The following ARPP21 variants were observed in gnomAD, a reference collection of about 807,000 sequenced individuals.
The protein encoded by ARPP21 is cAMP regulated phosphoprotein 21.
In ARPP21, 69 loss-of-function variants were observed where a neutral mutation model predicts 113.2. The ratio of observed to expected loss-of-function variants is 0.61; its 90% CI spans 0.50 to 0.74. The LOEUF is 0.74. Among genes scored for constraint, ARPP21 ranks in the 30% least tolerant of loss-of-function variants. The probability of loss-of-function intolerance (pLI) is 0.00; values close to 1 mark genes in which losing one functional copy is unlikely to be tolerated. For missense variants in ARPP21, 1,070 were observed against 1,037.4 expected (o/e 1.03, Z -0.43); for synonymous variants, 368 against 375.5 (o/e 0.98, Z 0.23).
chr3:35,777,126 T>C (rs1477089178), intron 19 of ARPP21, among the ~76,000 whole-genome samples: 1 of 152,192 alleles, frequency 6.6e-6, no homozygotes, highest in Admixed American at 6.5e-5. Flanking sequence ...AGTGTGTGTG[T>C]GCCTTTGTTT....
intron 1 of ARPP21, among the ~76,000 whole-genome samples, chr3:35,667,280 A>G (rs1575586935): frequency 2.0e-5 from 3 of 152,334 alleles, no homozygotes; most frequent in African/African-American, 7.2e-5. Context: ...AAACTGTATC[A>G]TAGCAAAACT....
intron 14 of ARPP21, among the ~76,000 whole-genome samples, chr3:35,722,303 T>C (rs2093155938): frequency 6.6e-6 from 1 of 152,198 alleles, no homozygotes; most frequent in Non-Finnish European, 1.5e-5. Context: ...ATAATTATAA[T>C]ATTAATAGCT....
At chr3:35,691,081 T>C in intron 9 of ARPP21, 76 bp downstream of exon 9, 1 of 1,469,400 alleles carries the variant, frequency 6.8e-7, no homozygotes, top group Non-Finnish European at 9.2e-7. Flanking sequence ...CAGTATAAAA[T>C]TCACAGTACA....
intron 13 of ARPP21, among the ~76,000 whole-genome samples, chr3:35,719,088 T>A (rs1178082622): frequency 6.6e-6 from 1 of 152,136 alleles, no homozygotes; most frequent in African/African-American, 2.4e-5. Flanking sequence ...TCTTCCTGGA[T>A]TCCAGTAGGG....
chr3:35,743,776 A>G, intron 18 of ARPP21, 63 bp from the exon 19 acceptor site: 1 of 1,554,788 alleles, frequency 6.4e-7, no homozygotes, highest in Non-Finnish European at 8.9e-7. Context: ...AGCATATTTT[A>G]AGTTTAAAAA....
intron 1 of ARPP21, among the ~76,000 whole-genome samples, chr3:35,655,327 G>A (rs562429868): frequency 6.4e-4 from 97 of 151,646 alleles, no homozygotes; most frequent in African/African-American, 1.7e-3. Context: ...TGACTGATGG[G>A]GTGCTCCAGG....
In ARPP21 at chr3:35,707,602, T is replaced by C. The variant is rs2089644557; in HGVS notation, c.795+520T>C. On this transcript the variant is annotated intron_variant, in intron 10 of 20. Coordinates refer to ENST00000684406, the MANE Select transcript of ARPP21 (RefSeq NM_001385562.1). Reference sequence around the variant, plus strand: ...AAGTCTTCAGAGAAAAGAATTGAGTTCATGTTTTAGTCTTTTATCCCCTCT... The same window carrying C: ...AAGTCTTCAGAGAAAAGAATTGAGTCCATGTTTTAGTCTTTTATCCCCTCT... 9 of 452,170 alleles carry C rather than the reference T, an allele frequency of 2.0e-5. No individual in the cohort carries two copies. The Admixed American group carries it at 2.1e-4, about 11-fold the overall frequency. The allele number at this position is 452,170 out of a possible 1,614,324, so 28.0% of individuals were successfully genotyped here. A position where few individuals can be genotyped will look rare whatever the true frequency, so the allele number is the denominator to read the frequency against.
chr3:35,658,598 T>C (rs1706131690), intron 1 of ARPP21, among the ~76,000 whole-genome samples: 1 of 152,140 alleles, frequency 6.6e-6, no homozygotes, highest in South Asian at 2.1e-4. Context: ...GCCAAGGTTT[T>C]TCTCCTGATG....
chr3:35,657,917 A>G (rs979778314), intron 1 of ARPP21, among the ~76,000 whole-genome samples: 2 of 152,122 alleles, frequency 1.3e-5, no homozygotes, highest in Admixed American at 6.6e-5. Context: ...AGGGGCTTCT[A>G]TAGTTAATTT....
In ARPP21 at chr3:35,664,479, A is replaced by G. The variant is rs998256778; in HGVS notation, c.-212-15308A>G. The stretch of plus-strand genomic sequence containing the variant: ...CGATCCCTAGACTCTGGTAACTGCT[A>G]TTCTATCATTTCTGATACCCTGCAA... On this transcript the variant is annotated intron_variant, in intron 1 of 20. Transcript: ENST00000684406. Among the ~76,000 whole-genome samples, 5 of 152,092 alleles carry G rather than the reference A, an allele frequency of 3.3e-5. No individual in the cohort carries two copies. In the East Asian group the frequency reaches 5.8e-4, roughly 18 times the overall value.
intron 19 of ARPP21, among the ~76,000 whole-genome samples, chr3:35,771,755 G>A (rs1481580015): frequency 2.6e-5 from 4 of 152,132 alleles, no homozygotes; most frequent in Non-Finnish European, 4.4e-5. Context: ...TGAACAGTGA[G>A]ACAAAGATAA....
chr3:35,755,271 C>T (rs905252058), intron 19 of ARPP21, among the ~76,000 whole-genome samples: 5 of 151,886 alleles, frequency 3.3e-5, no homozygotes, highest in Admixed American at 2.6e-4. Context: ...TTCTGAAGCA[C>T]ATTTAAAACA....
chr3:35,782,962 G>A (rs1031788374), intron 19 of ARPP21, among the ~76,000 whole-genome samples: 5 of 152,016 alleles, frequency 3.3e-5, no homozygotes, highest in Admixed American at 1.3e-4. Flanking sequence ...TGAGGTCACC[G>A]GTTTGTTTGT....
chr3:35,731,503 T>C (rs936840970), intron 15 of ARPP21, among the ~76,000 whole-genome samples: 1 of 152,210 alleles, frequency 6.6e-6, no homozygotes, highest in Non-Finnish European at 1.5e-5. Context: ...ATATATTGTA[T>C]ACTATACAAT....
chr3:35,656,596 A>C (rs1705051298), intron 1 of ARPP21, among the ~76,000 whole-genome samples: 1 of 152,030 alleles, frequency 6.6e-6, no homozygotes, highest in South Asian at 2.1e-4. Flanking sequence ...CATTTATATC[A>C]CATGTCAAAA....
At chr3:35,781,209 A>G (rs557446853) in intron 19 of ARPP21, among the ~76,000 whole-genome samples, 7 of 152,186 alleles carry the variant, frequency 4.6e-5, no homozygotes, top group African/African-American at 1.7e-4. Flanking sequence ...AAAAATACTC[A>G]TGGCTTCATT....
intron 1 of ARPP21, among the ~76,000 whole-genome samples, chr3:35,671,696 A>G (rs1001243369): frequency 9.9e-5 from 15 of 152,154 alleles, no homozygotes; most frequent in Middle Eastern, 3.4e-3. Context: ...GAAAAATGAC[A>G]GTTCGATGAG....
At chr3:35,694,820 A>G (rs1405239819) in intron 9 of ARPP21, among the ~76,000 whole-genome samples, 1 of 150,668 alleles carries the variant, frequency 6.6e-6, no homozygotes, top group Non-Finnish European at 1.5e-5. Context: ...GCCTCCCTAC[A>G]ACTTGATAGG....
chr3:35,767,986 G>C (rs1055855707), intron 19 of ARPP21, among the ~76,000 whole-genome samples: 2 of 151,422 alleles, frequency 1.3e-5, no homozygotes, highest in African/African-American at 2.4e-5. Flanking sequence ...ACAGTTTCTG[G>C]CTCTATCAAC....
Sources: allele counts gnomAD v4.1 joint callset (sites outside exome capture counted in the v4.1 genomes callset), GRCh38; gene constraint gnomAD v4.1.1; transcripts MANE v1.5; gene names NCBI Gene and HGNC (gene_info 2026-07-23, HGNC 2026-07-21).